The following KIAA1217 variants were observed in gnomAD, a reference collection of about 807,000 sequenced individuals.
KIAA1217 encodes the protein sickle tail protein homolog.
A neutral mutation model predicts 163.9 loss-of-function variants in KIAA1217; 88 were observed. The ratio of observed to expected loss-of-function variants is 0.54; its 90% CI spans 0.45 to 0.64. The LOEUF is 0.64. KIAA1217 is among the 30% of genes least tolerant of loss of function. The pLI, the probability that KIAA1217 is intolerant of heterozygous loss-of-function variation, is 0.00. For synonymous variants in KIAA1217, 903 were observed against 923.1 expected, an observed-to-expected ratio of 0.98 and a Z score of 0.39; for missense variants, 2,372 against 2,475.0, an observed-to-expected ratio of 0.96 and a Z score of 0.88.
At chr10:24,070,489 A>G (rs911513356) in intron 2 of KIAA1217, among the ~76,000 whole-genome samples, 1 of 152,242 alleles carries the variant, frequency 6.6e-6, no homozygotes, top group Admixed American at 6.5e-5. Context: ...AATACAAATA[A>G]TACAAGTAAT....
chr10:23,746,791 T>C lies in KIAA1217; in HGVS notation c.-321+51557T>C, dbSNP rs553121677. 1.3e-4 allele frequency among the ~76,000 whole-genome samples: 20 copies of C among 152,168 alleles called. 1 individual carries two copies. Among genetic ancestry groups the C allele is most frequent in the African/African-American group, 4.8e-4 (20 of 41,504 alleles). ...GATAGAAGTTTGGGGCAGAGGTGTGTATGCACCTTTCCTAGTTGGTGGGAC... is the reference window on the plus strand; with the variant it reads ...GATAGAAGTTTGGGGCAGAGGTGTGCATGCACCTTTCCTAGTTGGTGGGAC... On this transcript the variant is annotated intron_variant, in intron 1 of 18. Transcript: ENST00000376462.
intron 2 of KIAA1217, among the ~76,000 whole-genome samples, chr10:24,037,854 C>A (rs1053153632): frequency 1.3e-5 from 2 of 152,148 alleles, no homozygotes; most frequent in Non-Finnish European, 2.9e-5. Context: ...TCTTCTCTTT[C>A]CTTTTTTGCT....
intron 1 of KIAA1217, among the ~76,000 whole-genome samples, chr10:23,827,923 C>T (rs1588899499): frequency 2.0e-5 from 3 of 152,172 alleles, no homozygotes; most frequent in African/African-American, 7.2e-5. Flanking sequence ...GACTGTTTGC[C>T]CAGGGAAAGA....
intron 2 of KIAA1217, among the ~76,000 whole-genome samples, chr10:24,334,674 G>A (rs2046126968): frequency 6.6e-6 from 1 of 152,152 alleles, no homozygotes; most frequent in African/African-American, 2.4e-5. Flanking sequence ...CTCTGTGAAT[G>A]AACCATGTCT....
Position 24,544,275 on chromosome 10 carries a change from C to G in KIAA1217, c.5005C>G (p.Leu1669Val). 6.2e-7 allele frequency: 1 copy of G among 1,614,156 alleles called. No individual in the cohort carries two copies. Among genetic ancestry groups the G allele is most frequent in the Non-Finnish European group, 8.5e-7 (1 of 1,180,032 alleles). Residue 1669 changes from leucine (L) to valine (V), a missense_variant, in exon 19 of 21, where the codon CTG (leucine) becomes GTG (valine). Physicochemically the swap from Leu to Val is conservative, Grantham distance 32. This residue lies in a region of KIAA1217 where 690 missense variants were observed against 677.5 expected (regional missense o/e 1.02). Coordinates refer to ENST00000376454, the MANE Select transcript of KIAA1217 (RefSeq NM_019590.5). ...RKNTYRTLDS[L>V]EQTIKQLENT... ...AAACACCTACAGAACATTGGATAGCCTGGAGCAGACCATTAAACAGCTCGA... is the reference window on the plus strand; with the variant it reads ...AAACACCTACAGAACATTGGATAGCGTGGAGCAGACCATTAAACAGCTCGA...
intron 2 of KIAA1217, among the ~76,000 whole-genome samples, chr10:24,291,220 A>G (rs1281538985): frequency 6.6e-6 from 1 of 152,150 alleles, no homozygotes; most frequent in East Asian, 1.9e-4. Context: ...TATGACCAAC[A>G]ATTATCTTAG....
chr10:24,519,532 C>G (rs1017271990), intron 10 of KIAA1217, among the ~76,000 whole-genome samples: 1 of 152,110 alleles, frequency 6.6e-6, no homozygotes, highest in African/African-American at 2.4e-5. Context: ...ATGTCTGGGT[C>G]TGGAGACATT....
intron 1 of KIAA1217, among the ~76,000 whole-genome samples, chr10:23,741,012 G>T (rs1264249707): frequency 6.6e-6 from 1 of 152,154 alleles, no homozygotes; most frequent in Non-Finnish European, 1.5e-5. Flanking sequence ...ATGTTAGTTT[G>T]CTCTTTTAGA....
intron 10 of KIAA1217, among the ~76,000 whole-genome samples, chr10:24,515,402 G>A (rs911184387): frequency 6.6e-6 from 1 of 152,072 alleles, no homozygotes; most frequent in South Asian, 2.1e-4. Context: ...TGTGTTTATT[G>A]GTTAGCTGAG....
chr10:23,876,942 AC>A (rs1416030446), intron 1 of KIAA1217, among the ~76,000 whole-genome samples: 1 of 151,964 alleles, frequency 6.6e-6, no homozygotes, highest in Admixed American at 6.6e-5. Context: ...ACATTGACTT[AC>A]GTGTCCCTCA....
chr10:23,897,643 C>T (rs77108579), intron 1 of KIAA1217, among the ~76,000 whole-genome samples: 1,608 of 152,084 alleles, frequency 0.011, 26 homozygotes, highest in African/African-American at 0.037. Flanking sequence ...TACACGGAAC[C>T]GAGGAGTGTA....
At chr10:24,087,669 C>A (rs537697803) in intron 2 of KIAA1217, among the ~76,000 whole-genome samples, 1 of 152,164 alleles carries the variant, frequency 6.6e-6, no homozygotes, top group Non-Finnish European at 1.5e-5. Flanking sequence ...CCTGAACACC[C>A]ATTCAATACC....
At chr10:23,906,005 C>T (rs1440287563) in intron 1 of KIAA1217, among the ~76,000 whole-genome samples, 2 of 152,030 alleles carry the variant, frequency 1.3e-5, no homozygotes, top group Non-Finnish European at 2.9e-5. Context: ...GGTGAGGGCC[C>T]CTGTCTCTGA....
At chr10:24,125,346 G>T (rs2063433693) in intron 2 of KIAA1217, among the ~76,000 whole-genome samples, 2 of 151,832 alleles carry the variant, frequency 1.3e-5, no homozygotes, top group East Asian at 3.9e-4. Context: ...GTGTGTGTGT[G>T]TGTGTGTGTG....
intron 2 of KIAA1217, among the ~76,000 whole-genome samples, chr10:24,257,855 A>G (rs529406748): frequency 6.6e-6 from 1 of 152,202 alleles, no homozygotes; most frequent in Non-Finnish European, 1.5e-5. Context: ...ACCCATCCTG[A>G]TGCTTCCCCT....
intron 2 of KIAA1217, among the ~76,000 whole-genome samples, chr10:24,161,202 G>A (rs2065102747): frequency 2.6e-5 from 4 of 152,136 alleles, no homozygotes; most frequent in Non-Finnish European, 5.9e-5. Flanking sequence ...TCAGAGCCTT[G>A]GGGAAACATG....
intron 6 of KIAA1217, among the ~76,000 whole-genome samples, chr10:24,475,707 C>G (rs958802920): frequency 6.6e-6 from 1 of 152,224 alleles, no homozygotes; most frequent in African/African-American, 2.4e-5. Context: ...CTTCCCGTCA[C>G]TGCAGACAGC....
chr10:23,819,324 G>A (rs1837510638), intron 1 of KIAA1217, among the ~76,000 whole-genome samples: 1 of 152,154 alleles, frequency 6.6e-6, no homozygotes, highest in Admixed American at 6.5e-5. Flanking sequence ...AGGTCTTCTT[G>A]AAAGAGAGGA....
chr10:24,378,833 A>T (rs939398937), intron 2 of KIAA1217, among the ~76,000 whole-genome samples: 2 of 152,198 alleles, frequency 1.3e-5, no homozygotes, highest in Admixed American at 6.5e-5. Context: ...AGGAGTTTAC[A>T]TTTGGAGCTA....
Sources: allele counts gnomAD v4.1 joint callset (sites outside exome capture counted in the v4.1 genomes callset), GRCh38; gene constraint gnomAD v4.1.1; regional missense constraint gnomAD v4.1.1; transcripts MANE v1.5; gene names NCBI Gene and HGNC (gene_info 2026-07-23, HGNC 2026-07-21).